FCHO1: variants seen among roughly 807,000 people sequenced by gnomAD.
FCHO1 encodes F-BAR domain only protein 1.
Under a neutral mutation model 114.4 loss-of-function variants are expected in FCHO1, and 45 were observed. The ratio of observed to expected loss-of-function variants is 0.39; its 90% CI spans 0.31 to 0.50. The LOEUF is 0.50. Ranked by LOEUF, FCHO1 falls within the 20% of genes least tolerant of loss-of-function variation. The pLI is 0.77. For missense variants in FCHO1, 1,042 were observed against 1,209.6 expected, an observed-to-expected ratio of 0.86 and a Z score of 2.06; for synonymous variants, 480 against 488.9, an observed-to-expected ratio of 0.98 and a Z score of 0.24.
At chr19:17,764,057 T>C (rs1167246693) in intron 5 of FCHO1, among the ~76,000 whole-genome samples, 1 of 151,490 alleles carries the variant, frequency 6.6e-6, no homozygotes, top group Non-Finnish European at 1.5e-5. Context: ...TTTTTTTTTT[T>C]GCGATGGAGT....
At chr19:17,778,948 T>A in intron 20 of FCHO1, 64 bp downstream of exon 20, 1 of 1,441,926 alleles carries the variant, frequency 6.9e-7, no homozygotes, top group Non-Finnish European at 9.1e-7. Context: ...GAGCGCCTGC[T>A]TTGGGCAGGG....
chr19:17,785,561 C>T (rs895434464), intron 26 of FCHO1, among the ~76,000 whole-genome samples: 5 of 151,990 alleles, frequency 3.3e-5, no homozygotes, highest in Non-Finnish European at 7.4e-5. Flanking sequence ...AGGCCGGGTG[C>T]GGTGGCTCAC....
chr19:17,781,456 G>T lies in FCHO1; in HGVS notation c.1745G>T (p.Arg582Leu). 2 of 1,613,990 alleles carry T rather than the reference G, an allele frequency of 1.2e-6. No homozygotes were observed. The highest frequency in any genetic ancestry group is 1.7e-6 in the Non-Finnish European group (2 of 1,179,982). The change falls in exon 22 of 29, where the codon CGT (arginine) becomes CTT (leucine). Residue 582 changes from arginine to leucine, a missense_variant. Physicochemically the swap from Arg to Leu is moderately radical, Grantham distance 102 (BLOSUM62 -2). Transcript: ENST00000596536. ...PLTRSNGDLS[R>L]SLSPSPLGSS... ...GATTGTCTCTTTCCCTTCCAGTCTC[G>T]TTCCCTGAGCCCCTCCCCACTGGGC...
intron 4 of FCHO1, 69 bp from the exon 5 acceptor site, chr19:17,762,693 C>T: frequency 8.6e-7 from 1 of 1,159,130 alleles, no homozygotes; most frequent in Non-Finnish European, 1.3e-6. Flanking sequence ...TCCTTGGCCA[C>T]GCCCCCGTTG....
chr19:17,766,206 T>C (rs2089080221), intron 6 of FCHO1, among the ~76,000 whole-genome samples: 1 of 147,442 alleles, frequency 6.8e-6, no homozygotes, highest in Non-Finnish European at 1.5e-5. Context: ...AGATGGAGTC[T>C]CGCTGTGTCA....
At position 17,784,075 on chromosome 19, in the gene FCHO1, T is replaced by G; in HGVS notation, c.2094-28T>G. 6.2e-7 allele frequency: 1 copy of G among 1,604,324 alleles called. No individual in the cohort carries two copies. The highest frequency in any genetic ancestry group is 8.5e-7 in the Non-Finnish European group (1 of 1,173,214). On this transcript the variant is annotated intron_variant, in intron 24 of 28. Coordinates refer to ENST00000596536, the MANE Select transcript of FCHO1 (RefSeq NM_015122.3). This position sits in a 1 kb window ranked among gnomAD's most constrained non-coding sequence, Gnocchi z 5.3. ...GCCCTGGGAGGGCATGTCCCGAGGA[T>G]TGGGGTGATCAGTCCGGGTCTCTGC...
chr19:17,784,943 C>T lies in FCHO1; in HGVS notation c.2426+19C>T. On this transcript the variant is annotated intron_variant, in intron 26 of 28. Transcript: ENST00000596536. This position sits in a 1 kb window ranked among gnomAD's most constrained non-coding sequence, Gnocchi z 5.3. Reference sequence around the variant, plus strand: ...CCACCTGGTGAGGGCTTGCGGGAGGCCAAGGAAAACTCAGCAGTTTCCCCC... The same window carrying T: ...CCACCTGGTGAGGGCTTGCGGGAGGTCAAGGAAAACTCAGCAGTTTCCCCC... The T allele has an allele frequency of 6.2e-7, 1 of 1,605,314 alleles. No homozygotes were observed. The highest frequency in any genetic ancestry group is 8.5e-7 in the Non-Finnish European group (1 of 1,179,462).
upstream of FCHO1, among the ~76,000 whole-genome samples, chr19:17,748,509 G>C (rs552162575): frequency 0.016 from 2,138 of 137,294 alleles, 17 homozygotes; most frequent in Non-Finnish European, 0.022. Flanking sequence ...CCTGGACTTG[G>C]GGGGGGGGTC....
chr19:17,775,426 T>A lies in FCHO1; in HGVS notation c.946-30T>A. 6.2e-7 allele frequency: 1 copy of A among 1,605,504 alleles called. No individual in the cohort carries two copies. ...ATGGAAGGTTCGATAGTGGGGCGCC[T>A]GACTCACTGCTGCCCCCTGACTCCC... is the stretch of plus-strand genomic sequence containing the variant. On this transcript the variant is annotated intron_variant, in intron 14 of 28. Coordinates refer to ENST00000596536, the MANE Select transcript of FCHO1 (RefSeq NM_015122.3). This position sits in a 1 kb window ranked among gnomAD's most constrained non-coding sequence, Gnocchi z 5.1.
upstream of FCHO1, among the ~76,000 whole-genome samples, chr19:17,750,251 A>G (rs2081558755): frequency 6.6e-6 from 1 of 151,718 alleles, no homozygotes; most frequent in Admixed American, 6.6e-5. Context: ...AGGCTGGGAG[A>G]CTTGGGTTCT....
intron 5 of FCHO1, among the ~76,000 whole-genome samples, chr19:17,763,305 C>A (rs1360123212): frequency 1.3e-5 from 2 of 148,962 alleles, no homozygotes; most frequent in African/African-American, 5.0e-5. Flanking sequence ...CTCTTGTTGC[C>A]CAGGCTAGAG....
rs768358733 is a variant in FCHO1 at position 17,788,318 on chromosome 19, CT to C, written c.*13del. Reference sequence around the variant, plus strand: ...TGGTGAGCTGCTGAACCCGCAAATGCTGCTGCCCCAGCTCTACACTGCGCCC... The same window carrying C: ...TGGTGAGCTGCTGAACCCGCAAATGCGCTGCCCCAGCTCTACACTGCGCCC... On this transcript the variant is annotated 3_prime_UTR_variant, in exon 29 of 29. Transcript: ENST00000596536. 3 of 1,441,458 alleles carry C rather than the reference CT, an allele frequency of 2.1e-6. No individual in the cohort carries two copies. In the Admixed American group the frequency reaches 5.6e-5, roughly 27 times the overall value. 89.3% of individuals were successfully genotyped at this position (1,441,458 alleles called of 1,614,324 possible). A position where few individuals can be genotyped will look rare whatever the true frequency, so the allele number is the denominator to read the frequency against.
chr19:17,775,778 G>A lies in FCHO1; in HGVS notation c.1004-205G>A, dbSNP rs2092545795. Among the ~76,000 whole-genome samples, 1 of 151,440 alleles carries A rather than the reference G, an allele frequency of 6.6e-6. No individual in the cohort carries two copies. On this transcript the variant is annotated intron_variant, in intron 15 of 28. Transcript: ENST00000596536. This position sits in a 1 kb window ranked among gnomAD's most constrained non-coding sequence, Gnocchi z 5.1. ...CAGCCGAATAGGAGTTTGCCAGTTA[G>A]TTCTGGGCATGCTTGTGCAAAGGCT...
chr19:17,750,332 T>G (rs551115989), upstream of FCHO1, among the ~76,000 whole-genome samples: 11 of 152,252 alleles, frequency 7.2e-5, no homozygotes, highest in African/African-American at 2.6e-4. Context: ...TAGGGGTCCC[T>G]AGGTTGATGT....
chr19:17,786,907 G>C (rs2093948423), intron 27 of FCHO1, among the ~76,000 whole-genome samples: 2 of 151,784 alleles, frequency 1.3e-5, no homozygotes, highest in South Asian at 4.1e-4. Context: ...AATAGAGCCA[G>C]ACTCTGACTC....
At chr19:17,778,045 A>AC in intron 18 of FCHO1, 92 bp from the exon 19 acceptor site, 1 of 906,840 alleles carries the variant, frequency 1.1e-6, no homozygotes, top group South Asian at 1.5e-5. Context: ...TCTCAAAAAA[A>AC]AAAAAGACTG....
At position 17,776,502 on chromosome 19, in the gene FCHO1, C is replaced by A; in HGVS notation, c.1208-133C>A. On this transcript the variant is annotated intron_variant, in intron 17 of 28. Coordinates refer to ENST00000596536, the MANE Select transcript of FCHO1 (RefSeq NM_015122.3). This position sits in a 1 kb window ranked among gnomAD's most constrained non-coding sequence, Gnocchi z 4.4. ...GAGACAGGCTCGCTTAGGCTTGAAT[C>A]CATGTCTGCCTGATTTGCTGATCAC... 9.0e-7 allele frequency: 1 copy of A among 1,107,596 alleles called. No individual in the cohort carries two copies. The highest frequency in any genetic ancestry group is 1.3e-5 in the South Asian group (1 of 75,854). 68.6% of individuals were successfully genotyped at this position (1,107,596 alleles called of 1,614,324 possible).
At chr19:17,763,259 CTTT>C (rs11349881) in intron 5 of FCHO1, among the ~76,000 whole-genome samples, 17 of 96,022 alleles carry the variant, frequency 1.8e-4, no homozygotes, top group Admixed American at 3.7e-4. Flanking sequence ...CCACATCTGG[CTTT>C]TTTTTTTTTT....
At chr19:17,781,174 G>A (rs2147302362) in intron 20 of FCHO1, 57 bp from the exon 21 acceptor site, 1 of 1,285,534 alleles carries the variant, frequency 7.8e-7, no homozygotes. Context: ...TGCCCCTGGG[G>A]AGGCCCCAGA....
Sources: allele counts gnomAD v4.1 joint callset (sites outside exome capture counted in the v4.1 genomes callset), GRCh38; gene constraint gnomAD v4.1.1; non-coding constraint Gnocchi (gnomAD v3.1); transcripts MANE v1.5; gene names NCBI Gene and HGNC (gene_info 2026-07-23, HGNC 2026-07-21).